The following PSMG2 variants were observed in gnomAD, a reference collection of about 807,000 sequenced individuals.
PSMG2 encodes proteasome assembly chaperone 2, also known as CD40 ligand-activated specific transcript 3.
Under a neutral mutation model 31.5 loss-of-function variants are expected in PSMG2, and 21 were observed. The observed-to-expected ratio is 0.67, with a 90% CI of 0.47 to 0.96. The LOEUF (loss-of-function observed/expected upper bound fraction) is 0.96. Among genes scored for constraint, PSMG2 ranks in the 40% least tolerant of loss-of-function variants. PSMG2 has a pLI of 0.00. For synonymous variants in PSMG2, 120 were observed against 110.4 expected, an observed-to-expected ratio of 1.09 and a Z score of -0.54; for missense variants, 318 against 321.2, an observed-to-expected ratio of 0.99 and a Z score of 0.08.
chr18:12,722,103 C>T (rs920964599), intron 5 of PSMG2, among the ~76,000 whole-genome samples: 1 of 152,188 alleles, frequency 6.6e-6, no homozygotes, highest in Admixed American at 6.6e-5. Flanking sequence ...TGCACTCCCA[C>T]TGCACTCCAC....
chr18:12,725,097 C>T (rs1446314179), intron 6 of PSMG2, among the ~76,000 whole-genome samples: 1 of 152,162 alleles, frequency 6.6e-6, no homozygotes, highest in Non-Finnish European at 1.5e-5. Flanking sequence ...AGGCTGCTTT[C>T]TAAGATGGGT....
intron 1 of PSMG2, chr18:12,697,435 TACC>T (rs1267850626): frequency 6.8e-7 from 1 of 1,480,262 alleles, no homozygotes; most frequent in East Asian, 2.3e-5. Context: ...AACGAAATTA[TACC>T]ACACTACATA....
intron 1 of PSMG2, 105 bp from the exon 2 acceptor site, chr18:12,706,445 C>T: frequency 8.2e-7 from 1 of 1,218,604 alleles, no homozygotes; most frequent in Non-Finnish European, 1.2e-6. Context: ...CAAGATCACG[C>T]CACTGTACTC....
chr18:12,668,669 TCA>T (rs1400606022), intron 1 of PSMG2, among the ~76,000 whole-genome samples: 2 of 146,290 alleles, frequency 1.4e-5, no homozygotes, highest in Non-Finnish European at 3.0e-5. Flanking sequence ...CTGAAACTGT[TCA>T]GACTGGATTA....
At chr18:12,699,718 GT>G, upstream of PSMG2, 1 of 617,856 alleles carries the variant, frequency 1.6e-6, no homozygotes, top group Non-Finnish European at 2.7e-6. Context: ...AAAATTTTAA[GT>G]ATTTTATTTT....
chr18:12,659,014 TAGAAAGAAAGA>T (rs1215241705), intron 1 of PSMG2: 2 of 158,000 alleles, frequency 1.3e-5, no homozygotes, highest in African/African-American at 4.8e-5. Flanking sequence ...CAATTAGCCG[TAGAAAGAAAGA>T]ATTCCGCCCC....
At chr18:12,708,765 G>A (rs1278511936) in intron 2 of PSMG2, among the ~76,000 whole-genome samples, 1 of 145,484 alleles carries the variant, frequency 6.9e-6, no homozygotes, top group Non-Finnish European at 1.5e-5. Context: ...GAGTGCAATG[G>A]CACAATCTCG....
At chr18:12,684,016 A>T (rs2039451037) in intron 1 of PSMG2, among the ~76,000 whole-genome samples, 1 of 150,364 alleles carries the variant, frequency 6.7e-6, no homozygotes, top group Non-Finnish European at 1.5e-5. Flanking sequence ...CATATATATG[A>T]TATCATATAT....
intron 1 of PSMG2, among the ~76,000 whole-genome samples, chr18:12,688,346 C>G (rs1035552859): frequency 5.3e-5 from 8 of 151,384 alleles, no homozygotes; most frequent in African/African-American, 1.9e-4. Context: ...TACTACTATA[C>G]TATAGCAAAA....
At chr18:12,698,904 G>C, upstream of PSMG2, 1 of 1,087,212 alleles carries the variant, frequency 9.2e-7, no homozygotes, top group Non-Finnish European at 1.3e-6. Flanking sequence ...TACAGAAAAA[G>C]TCATTATTAT....
intron 1 of PSMG2, among the ~76,000 whole-genome samples, chr18:12,681,774 T>C (rs2039357743): frequency 6.6e-6 from 1 of 152,184 alleles, no homozygotes; most frequent in African/African-American, 2.4e-5. Context: ...TTCCACTCTT[T>C]TTCCAGATTT....
Position 12,697,501 on chromosome 18 carries a change from T to C in PSMG2, c.-36-9049T>C, listed in dbSNP as rs913242606. 5 of 879,500 alleles carry C rather than the reference T, an allele frequency of 5.7e-6. No homozygotes were observed. The Admixed American group carries it at 9.5e-5, about 17-fold the overall frequency. The allele number at this position is 879,500 out of a possible 1,614,324, so 54.5% of individuals were successfully genotyped here. A position where few individuals can be genotyped will look rare whatever the true frequency, so the allele number is the denominator to read the frequency against. On this transcript the variant is annotated intron_variant, in intron 1 of 6. Transcript: ENST00000585331. ...TTTTATTAAACAGTAAATAATAAGC[T>C]TATATAAAACCAAAGAGAACAATTT...
At chr18:12,724,661 T>C in intron 6 of PSMG2, 42 bp downstream of exon 6, 1 of 1,531,888 alleles carries the variant, frequency 6.5e-7, no homozygotes, top group Non-Finnish European at 8.8e-7. Flanking sequence ...TGTCTGGTTG[T>C]ATTCATTAAC....
chr18:12,699,718 G>A (rs1162059996), upstream of PSMG2: 2 of 617,856 alleles, frequency 3.2e-6, no homozygotes, highest in East Asian at 3.1e-5. Flanking sequence ...AAAATTTTAA[G>A]TATTTTATTT....
At position 12,724,538 on chromosome 18, in the gene PSMG2, T is replaced by C. The variant is rs9955243; in HGVS notation, c.621T>C (p.Phe207=). The change falls in exon 6 of 7, where the codon TTT becomes TTC. Residue 207 remains phenylalanine, a synonymous_variant. Coordinates refer to ENST00000317615, the MANE Select transcript of PSMG2 (RefSeq NM_020232.5). ...KEIQMAVLLK[F]VSEGDNIPDA... Reference sequence around the variant, plus strand: ...TCCAAATGGCAGTTCTGCTGAAATTTGTTTCAGAAGGGGACAACATCCCAG... The same window carrying C: ...TCCAAATGGCAGTTCTGCTGAAATTCGTTTCAGAAGGGGACAACATCCCAG... 154 of 1,608,130 alleles carry C rather than the reference T, an allele frequency of 9.6e-5. No homozygotes were observed. In the African/African-American group the frequency reaches 1.6e-3, roughly 17 times the overall value.
chr18:12,680,614 AAAAC>A (rs767394207), intron 1 of PSMG2: 6 of 1,408,158 alleles, frequency 4.3e-6, no homozygotes, highest in Admixed American at 2.3e-5. Flanking sequence ...AAAAAAAAAA[AAAAC>A]TTATAACTTC....
chr18:12,707,205 G>A (rs371825161), intron 2 of PSMG2, among the ~76,000 whole-genome samples: 3 of 152,070 alleles, frequency 2.0e-5, no homozygotes, highest in South Asian at 2.1e-4. Context: ...TGATCCAACC[G>A]CCTCAGCCTT....
At chr18:12,687,332 GAAAA>G (rs975951123) in intron 1 of PSMG2, among the ~76,000 whole-genome samples, 1 of 149,018 alleles carries the variant, frequency 6.7e-6, no homozygotes, top group African/African-American at 2.5e-5. Context: ...CTTTAGCAAG[GAAAA>G]AAAAACTCAC....
chr18:12,703,142 T>C lies in PSMG2; in HGVS notation c.35T>C (p.Leu12Pro). The C allele has an allele frequency of 6.2e-7, 1 of 1,612,160 alleles. No homozygotes were observed. The highest frequency in any genetic ancestry group is 8.5e-7 in the Non-Finnish European group (1 of 1,179,496). Residue 12 changes from leucine (L) to proline (P), a missense_variant, in exon 1 of 7, where the codon CTT becomes CCT. By Grantham distance (98) the Leu-to-Pro change is moderately conservative (BLOSUM62 -3). Transcript: ENST00000317615. Reference sequence around the variant, plus strand: ...CCCTGCGGGGAGTCGGCCCCCGACCTTGCCGGCTTCACCCTCCTAATGGTG... The same window carrying C: ...CCCTGCGGGGAGTCGGCCCCCGACCCTGCCGGCTTCACCCTCCTAATGGTG... ...FVPCGESAPDLAGFTLLMPAV... is the reference protein window; with the variant it reads ...FVPCGESAPDPAGFTLLMPAV...
Sources: gnomAD v4.1 joint callset for allele counts (sites outside exome capture counted in the v4.1 genomes callset) on GRCh38, gnomAD v4.1.1 for gene constraint, MANE v1.5 for transcripts, NCBI Gene and HGNC (gene_info 2026-07-23, HGNC 2026-07-21) for gene names.